The following ZNF624 variants were observed in gnomAD, a reference collection of about 807,000 sequenced individuals.
ZNF624 encodes zinc finger protein 624.
In ZNF624, 43 loss-of-function variants were observed where a neutral mutation model predicts 74.7. The observed-to-expected ratio is 0.58, with a 90% confidence interval of 0.45 to 0.74. The LOEUF (loss-of-function observed/expected upper bound fraction) is 0.74, where lower values mean the gene tolerates loss of function less well. Among genes scored for constraint, ZNF624 ranks in the 30% least tolerant of loss-of-function variants. The pLI, the probability that ZNF624 is intolerant of heterozygous loss-of-function variation, is 0.00. For synonymous variants in ZNF624, 331 were observed against 341.3 expected, an observed-to-expected ratio of 0.97 and a Z score of 0.33; for missense variants, 820 against 1,030.0, an observed-to-expected ratio of 0.80 and a Z score of 2.79.
At chr17:16,643,891 T>C (rs943277751) in intron 3 of ZNF624, among the ~76,000 whole-genome samples, 5 of 152,154 alleles carry the variant, frequency 3.3e-5, no homozygotes, top group South Asian at 2.1e-4. Flanking sequence ...AACCTCATGT[T>C]CAAAACTGAT....
At chr17:16,615,389 G>T in the ZNF624 span, among the ~76,000 whole-genome samples, 1 of 152,164 alleles carries the variant, frequency 6.6e-6, no homozygotes, top group Non-Finnish European at 1.5e-5. Context: ...GAGCCACCGT[G>T]CCCAGCCTCA....
chr17:16,617,485 G>C, downstream of ZNF624: 1 of 1,604,116 alleles, frequency 6.2e-7, no homozygotes, highest in Non-Finnish European at 8.5e-7. Flanking sequence ...TACTTAACCT[G>C]CTTGTCGCAT....
In ZNF624 at chr17:16,623,084, A is replaced by G. The variant is rs756955398; in HGVS notation, c.1802T>C (p.Val601Ala). The part of the protein sequence containing the change: ...ESFRIKSHLT[V>A]HQRIHTGEKP... ...CTCTCCAGTGTGAATTCTCTGATGT[A>G]CAGTTAAGTGTGATTTTATTCTGAA... Residue 601 changes from valine (V) to alanine (A), a missense_variant, in exon 6 of 6, where the codon GTA (valine) becomes GCA (alanine). Val to Ala is a moderately conservative substitution (Grantham distance 64). Coordinates refer to ENST00000311331, the MANE Select transcript of ZNF624 (RefSeq NM_020787.4). The surrounding 1 kb of genome is among the most constrained non-coding windows in gnomAD (Gnocchi z 5.3). 3.1e-6 allele frequency: 5 copies of G among 1,613,904 alleles called. No individual in the cohort carries two copies. In the African/African-American group the frequency reaches 5.3e-5, roughly 17 times the overall value.
intron 3 of ZNF624, among the ~76,000 whole-genome samples, chr17:16,636,758 C>G (rs539754358): frequency 6.6e-6 from 1 of 151,972 alleles, no homozygotes; most frequent in Non-Finnish European, 1.5e-5. Flanking sequence ...ATGGCATGAA[C>G]CTGGGAGGCG....
At chr17:16,615,952 TATAC>T (rs1469550359), downstream of ZNF624, among the ~76,000 whole-genome samples, 1 of 100,748 alleles carries the variant, frequency 9.9e-6, no homozygotes, top group East Asian at 3.0e-4. Context: ...ATCTATTCCA[TATAC>T]ATATATATAT....
the ZNF624 span, among the ~76,000 whole-genome samples, chr17:16,615,183 C>T: frequency 0.051 from 7,822 of 152,144 alleles, 267 homozygotes; most frequent in Middle Eastern, 0.099. Context: ...CTGCAAGCTC[C>T]GCCTCCCGGG....
At chr17:16,639,549 C>G (rs1347237496) in intron 3 of ZNF624, among the ~76,000 whole-genome samples, 1 of 152,034 alleles carries the variant, frequency 6.6e-6, no homozygotes, top group Non-Finnish European at 1.5e-5. Flanking sequence ...AGGCTCTGTA[C>G]AAGCAAGAAA....
downstream of ZNF624, chr17:16,616,919 C>A: frequency 6.5e-7 from 1 of 1,532,952 alleles, no homozygotes; most frequent in Non-Finnish European, 8.9e-7. Flanking sequence ...CTTGAAGTAG[C>A]TCTTTTTGGT....
chr17:16,651,581 G>A (rs904617214), intron 1 of ZNF624, among the ~76,000 whole-genome samples: 1 of 152,134 alleles, frequency 6.6e-6, no homozygotes, highest in Non-Finnish European at 1.5e-5. Context: ...GATAAAAGAG[G>A]TAAAGAAAGA....
intron 3 of ZNF624, among the ~76,000 whole-genome samples, chr17:16,644,867 T>C (rs1468136537): frequency 6.6e-6 from 1 of 152,248 alleles, no homozygotes; most frequent in African/African-American, 2.4e-5. Context: ...TCATAGACTG[T>C]CAGAAATTGT....
rs1908931842 is a variant in ZNF624 at position 16,622,197 on chromosome 17, A to G, written c.*91T>C. On this transcript the variant is annotated 3_prime_UTR_variant, in exon 6 of 6. Transcript: ENST00000311331. ...AGTTTCTCTGTATACTTTCTGATAAATTCCTAATGAAGATTTTCCTATATT... is the reference window on the plus strand; with the variant it reads ...AGTTTCTCTGTATACTTTCTGATAAGTTCCTAATGAAGATTTTCCTATATT... 2 of 990,134 alleles carry G rather than the reference A, an allele frequency of 2.0e-6. No individual in the cohort carries two copies. Among genetic ancestry groups the G allele is most frequent in the Admixed American group, 2.8e-5 (1 of 35,090 alleles). 61.3% of individuals were successfully genotyped at this position (990,134 alleles called of 1,614,324 possible).
At chr17:16,617,537 T>C (rs1908814445), downstream of ZNF624, 2 of 1,580,320 alleles carry the variant, frequency 1.3e-6, no homozygotes, top group East Asian at 4.5e-5. Flanking sequence ...CTAGAAAGAT[T>C]TTCTACAATA....
downstream of ZNF624, chr17:16,617,168 TTGATCGAGAACG>T (rs1329178642): frequency 6.2e-7 from 1 of 1,612,726 alleles, no homozygotes; most frequent in Non-Finnish European, 8.5e-7. Context: ...TTCCTGCCTT[TTGATCGAGAACG>T]TGATCGACCT....
At chr17:16,616,398 A>G (rs188266160), downstream of ZNF624, among the ~76,000 whole-genome samples, 29 of 152,332 alleles carry the variant, frequency 1.9e-4, no homozygotes, top group East Asian at 3.5e-3. Flanking sequence ...TAAATCTTAC[A>G]TAACTCAAGC....
intron 2 of ZNF624, 96 bp downstream of exon 2, chr17:16,649,562 G>C: frequency 1.9e-6 from 2 of 1,076,758 alleles, no homozygotes; most frequent in Non-Finnish European, 2.8e-6. Flanking sequence ...TCCCAGAAGG[G>C]GTGTCGGGGG....
chr17:16,634,098 T>C (rs765931882), intron 4 of ZNF624, 141 bp from the exon 5 acceptor site: 30 of 544,540 alleles, frequency 5.5e-5, no homozygotes, highest in Non-Finnish European at 8.7e-5. Context: ...CAGTTGCCAA[T>C]TGTCACATAT....
At chr17:16,617,132 G>T, downstream of ZNF624, 1 of 1,613,096 alleles carries the variant, frequency 6.2e-7, no homozygotes, top group Admixed American at 1.7e-5. Flanking sequence ...TCAGACTTGG[G>T]CTTAGATTTG....
chr17:16,642,797 T>C lies in ZNF624; in HGVS notation c.153+4532A>G, dbSNP rs190450845. Among the ~76,000 whole-genome samples, 258 of 152,236 alleles carry C rather than the reference T, an allele frequency of 1.7e-3. 1 individual carries two copies. The highest frequency in any genetic ancestry group is 5.7e-3 in the African/African-American group (238 of 41,564). ...AAAAGGGATTTGTATTTAGAACATA[T>C]AAAGAACCCTTACAAGTCAAACATA... On this transcript the variant is annotated intron_variant, in intron 3 of 5. Transcript: ENST00000311331.
chr17:16,624,445 T>G lies in ZNF624; in HGVS notation c.441A>C (p.Ser147=). 6.2e-7 allele frequency: 1 copy of G among 1,602,820 alleles called. No homozygotes were observed. The highest frequency in any genetic ancestry group is 8.5e-7 in the Non-Finnish European group (1 of 1,176,938). The change falls in exon 6 of 6, where the codon TCA becomes TCC. Residue 147 remains serine (S), a synonymous_variant. Transcript: ENST00000311331. ...TAAGTTTCTCTAGTATGGCCTCCTG[T>G]GATAAATCTTCAGAAATAGCCTTTG... ...TRTKAISEDL[S]QEAILEKLTE...
Sources: allele counts gnomAD v4.1 joint callset (sites outside exome capture counted in the v4.1 genomes callset), GRCh38; gene constraint gnomAD v4.1.1; non-coding constraint Gnocchi (gnomAD v3.1); transcripts MANE v1.5; gene names NCBI Gene and HGNC (gene_info 2026-07-23, HGNC 2026-07-21).